Variants in ASXL3 observed in about 807,000 individuals in gnomAD.
ASXL3 encodes ASXL transcriptional regulator 3, also known as putative Polycomb group protein ASXL3.
Under a neutral mutation model 170.6 loss-of-function variants are expected in ASXL3, and 34 were observed. The observed-to-expected ratio is 0.20, with a 90% CI of 0.15 to 0.27. ASXL3 has a LOEUF of 0.27. Ranked by LOEUF, ASXL3 falls within the 10% of genes least tolerant of loss-of-function variation. The probability of loss-of-function intolerance (pLI) is 1.00; values close to 1 mark genes in which losing one functional copy is unlikely to be tolerated. For missense variants in ASXL3, 2,592 were observed against 2,695.3 expected (o/e 0.96, Z 0.85); for synonymous variants, 1,002 against 989.1 (o/e 1.01, Z -0.24).
intron 2 of ASXL3, among the ~76,000 whole-genome samples, chr18:33,636,129 G>C (rs943445788): frequency 6.6e-6 from 1 of 152,164 alleles, no homozygotes; most frequent in Non-Finnish European, 1.5e-5. Context: ...GGTAGCCAGA[G>C]CAGACATGGG....
intron 5 of ASXL3, among the ~76,000 whole-genome samples, chr18:33,662,320 C>T (rs1368894647): frequency 6.6e-6 from 1 of 152,128 alleles, no homozygotes; most frequent in East Asian, 1.9e-4. Context: ...GGGCTCTGGG[C>T]ACGGACATGC....
rs1305914327 is a variant in ASXL3, at chr18:33,740,258, A to G, written c.2854A>G (p.Ile952Val). ...SSEPSKSPDGIRNESRDSEIS... is the reference protein window; with the variant it reads ...SSEPSKSPDGVRNESRDSEIS... ...AGAGCCCTCCAAGTCACCTGATGGG[A>G]TAAGAAATGAAAGTAGAGATTCAGA... Residue 952 changes from isoleucine to valine, a missense_variant, in exon 11 of 12, where the codon ATA becomes GTA. Physicochemically the swap from Ile to Val is conservative, Grantham distance 29. This residue lies in a region of ASXL3 where 2,246 missense variants were observed against 2,219.6 expected (regional missense o/e 1.01). Transcript: ENST00000269197. 1.2e-6 allele frequency: 2 copies of G among 1,613,502 alleles called. No individual in the cohort carries two copies. The highest frequency in any genetic ancestry group is 2.7e-5 in the African/African-American group (2 of 75,032).
intron 2 of ASXL3, among the ~76,000 whole-genome samples, chr18:33,612,840 C>A (rs1285047446): frequency 1.3e-5 from 2 of 152,062 alleles, no homozygotes; most frequent in Admixed American, 1.3e-4. Flanking sequence ...AAAATCAATT[C>A]TTATCTGCAG....
At chr18:33,626,911 AG>A (rs1249472960) in intron 2 of ASXL3, 2 of 153,080 alleles carry the variant, frequency 1.3e-5, no homozygotes, top group African/African-American at 4.8e-5. Context: ...GTGTGTATGA[AG>A]GATCTTCCTC....
Position 33,746,126 on chromosome 18 carries a change from G to T in ASXL3, c.6278G>T (p.Ser2093Ile). The T allele has an allele frequency of 6.2e-7, 1 of 1,613,810 alleles. No individual in the cohort carries two copies. The highest frequency in any genetic ancestry group is 1.3e-5 in the African/African-American group (1 of 74,986). Residue 2093 changes from serine (S) to isoleucine (I), a missense_variant, in exon 12 of 12, where the codon AGC (serine) becomes ATC (isoleucine). Ser to Ile is a moderately radical substitution (Grantham distance 142, BLOSUM62 -2). Around this residue, in one of 4 missense-constraint regions of ASXL3, gnomAD observed 2,246 missense variants for 2,219.6 expected, o/e 1.01. Transcript: ENST00000269197. ...PLSFEEGLSSSCELGMKQVSY... is the reference protein window; with the variant it reads ...PLSFEEGLSSICELGMKQVSY... ...TCTTTTGAGGAAGGTTTAAGCAGCA[G>T]CTGTGAACTGGGCATGAAACAAGTT...
chr18:33,581,934 C>T (rs1427094845), intron 1 of ASXL3, among the ~76,000 whole-genome samples: 1 of 152,012 alleles, frequency 6.6e-6, no homozygotes, highest in African/African-American at 2.4e-5. Flanking sequence ...CTTTTTTTCC[C>T]CTTCTTTTTT....
At chr18:33,614,490 C>A (rs1348686088) in intron 2 of ASXL3, 1 of 152,134 alleles carries the variant, frequency 6.6e-6, no homozygotes, top group Non-Finnish European at 1.5e-5. Flanking sequence ...TCCACTTCTT[C>A]CATACTCTTG....
At chr18:33,669,386 CAAA>C (rs1308010209) in intron 5 of ASXL3, among the ~76,000 whole-genome samples, 1 of 152,058 alleles carries the variant, frequency 6.6e-6, no homozygotes, top group Non-Finnish European at 1.5e-5. Flanking sequence ...ATGTAAGAAT[CAAA>C]GAAAATATGT....
chr18:33,582,737 TGTG>T (rs766622866), intron 1 of ASXL3, among the ~76,000 whole-genome samples: 54 of 150,424 alleles, frequency 3.6e-4, no homozygotes, highest in African/African-American at 1.3e-3. Context: ...TGTGTGTGTG[TGTG>T]TTTTCTTGGT....
At chr18:33,650,186 A>G (rs1339902587) in intron 4 of ASXL3, among the ~76,000 whole-genome samples, 1 of 152,190 alleles carries the variant, frequency 6.6e-6, no homozygotes, top group Non-Finnish European at 1.5e-5. Context: ...ACAAGATGTC[A>G]TATTAGCAGC....
chr18:33,636,911 C>T (rs577423909), intron 2 of ASXL3, among the ~76,000 whole-genome samples: 23 of 152,068 alleles, frequency 1.5e-4, no homozygotes, highest in Non-Finnish European at 2.9e-4. Context: ...CATGTCGGTG[C>T]TCAAAAAGTT....
In ASXL3 at chr18:33,743,829, C is replaced by T. The variant is rs772296006; in HGVS notation, c.3981C>T (p.Ser1327=). 1 of 1,614,038 alleles carries T rather than the reference C, an allele frequency of 6.2e-7. No individual in the cohort carries two copies. Among genetic ancestry groups the T allele is most frequent in the Non-Finnish European group, 8.5e-7 (1 of 1,179,904 alleles). ...SMDDKQLLIS[S]SSASNLVSTQ... is the part of the protein sequence containing the mutation. ...ATGATAAGCAGTTACTAATATCAAG[C>T]AGCAGTGCTAGTAACTTAGTCTCCA... The change falls in exon 12 of 12, where the codon AGC becomes AGT. Residue 1327 remains serine, a synonymous_variant. Transcript: ENST00000269197.
At position 33,743,172 on chromosome 18, in the gene ASXL3, T is replaced by C. The variant is rs77617474; in HGVS notation, c.3324T>C (p.Ala1108=). Reference sequence around the variant, plus strand: ...CACACATCAAAGAGCAGACAAAGGCTAAGCTCTTTGCAAAGCATCAAGCTC... The same window carrying C: ...CACACATCAAAGAGCAGACAAAGGCCAAGCTCTTTGCAAAGCATCAAGCTC... ...TLAHIKEQTK[A]KLFAKHQARA... Residue 1108 remains alanine (A), a synonymous_variant, in exon 12 of 12, where the codon GCT becomes GCC. Coordinates refer to ENST00000269197, the MANE Select transcript of ASXL3 (RefSeq NM_030632.3). 11 of 1,613,846 alleles carry C rather than the reference T, an allele frequency of 6.8e-6. No homozygotes were observed. Among genetic ancestry groups the C allele is most frequent in the Admixed American group, 1.7e-5 (1 of 59,998 alleles).
At chr18:33,668,834 T>G (rs1324378473) in intron 5 of ASXL3, among the ~76,000 whole-genome samples, 2 of 152,114 alleles carry the variant, frequency 1.3e-5, no homozygotes, top group East Asian at 3.8e-4. Context: ...ACTTTATGAT[T>G]CCAGCTTCTA....
chr18:33,715,010 G>A (rs899474537), intron 8 of ASXL3, among the ~76,000 whole-genome samples: 1 of 152,112 alleles, frequency 6.6e-6, no homozygotes, highest in East Asian at 1.9e-4. Flanking sequence ...CGAAGGTGTA[G>A]GGTTCTTCTA....
intron 2 of ASXL3, among the ~76,000 whole-genome samples, chr18:33,638,436 A>G (rs930461022): frequency 6.6e-6 from 1 of 152,108 alleles, no homozygotes; most frequent in African/African-American, 2.4e-5. Context: ...ATAACCAACA[A>G]TGTCATCTTC....
Position 33,746,294 on chromosome 18 carries a change from A to C in ASXL3, c.6446A>C (p.Gln2149Pro), listed in dbSNP as rs753432053. Residue 2149 changes from glutamine to proline, a missense_variant, in exon 12 of 12, where the codon CAG becomes CCG. By Grantham distance (76) the Gln-to-Pro change is moderately conservative. Transcript: ENST00000269197. ...AAAATGCAGGTGCAGCAACAACAGC[A>C]GCTCTGTGGAAATTATCCAACAATA... ...AQKMQVQQQQ[Q>P]LCGNYPTIHF... 1 of 1,614,036 alleles carries C rather than the reference A, an allele frequency of 6.2e-7. No individual in the cohort carries two copies. The highest frequency in any genetic ancestry group is 8.5e-7 in the Non-Finnish European group (1 of 1,179,898).
intron 8 of ASXL3, among the ~76,000 whole-genome samples, chr18:33,694,432 T>G (rs1243054097): frequency 6.6e-6 from 1 of 152,186 alleles, no homozygotes; most frequent in Non-Finnish European, 1.5e-5. Flanking sequence ...TTTATTACAC[T>G]TTCAAATTGA....
chr18:33,724,223 A>G lies in ASXL3; in HGVS notation c.880-7745A>G, dbSNP rs577563150. On this transcript the variant is annotated intron_variant, in intron 8 of 11. Coordinates refer to ENST00000269197, the MANE Select transcript of ASXL3 (RefSeq NM_030632.3). ...TTGATTACAGCATTATAATCACAAT[A>G]TTTAAAAAATTATTATATATATTAG... 7.2e-5 allele frequency among the ~76,000 whole-genome samples: 11 copies of G among 152,252 alleles called. 1 individual carries two copies. In the South Asian group the frequency reaches 1.9e-3, roughly 26 times the overall value.
Sources: gnomAD v4.1 joint callset for allele counts (sites outside exome capture counted in the v4.1 genomes callset) on GRCh38, gnomAD v4.1.1 for gene constraint, gnomAD v4.1.1 regional missense constraint, MANE v1.5 for transcripts, NCBI Gene and HGNC (gene_info 2026-07-23, HGNC 2026-07-21) for gene names.